Variants in EFR3A observed in about 807,000 individuals in gnomAD.
The protein encoded by EFR3A is EFR3 homolog A, also known as protein EFR3 homolog A.
EFR3A carries 76 observed loss-of-function variants against 104.4 expected under a neutral mutation model. The observed-to-expected ratio is 0.73, with a 90% CI of 0.60 to 0.88. EFR3A has a LOEUF of 0.88. EFR3A is among the 40% of genes least tolerant of loss of function. The probability of loss-of-function intolerance (pLI) is 0.00; values close to 1 mark genes in which losing one functional copy is unlikely to be tolerated. For synonymous variants in EFR3A, 330 were observed against 330.0 expected, an observed-to-expected ratio of 1.00 and a Z score of 0.00; for missense variants, 985 against 1,012.5, an observed-to-expected ratio of 0.97 and a Z score of 0.37.
chr8:132,010,510 C>G (rs1006378527), intron 22 of EFR3A, among the ~76,000 whole-genome samples: 2 of 145,050 alleles, frequency 1.4e-5, no homozygotes, highest in South Asian at 2.1e-4. Flanking sequence ...TAATTTTTTA[C>G]TAATGAAACA....
At position 131,965,606 on chromosome 8, in the gene EFR3A, G is replaced by C. The variant is rs574237158; in HGVS notation, c.856-2689G>C. On this transcript the variant is annotated intron_variant, in intron 8 of 22. Coordinates refer to ENST00000254624, the MANE Select transcript of EFR3A (RefSeq NM_015137.6). Reference sequence around the variant, plus strand: ...AGAGAAATAGGCACACTTTTACACTGTTGGTGGGACTGTAAACTAGTTCAA... The same window carrying C: ...AGAGAAATAGGCACACTTTTACACTCTTGGTGGGACTGTAAACTAGTTCAA... Among the ~76,000 whole-genome samples, 4 of 152,310 alleles carry C rather than the reference G, an allele frequency of 2.6e-5. No individual in the cohort carries two copies. The East Asian group carries it at 7.7e-4, about 29-fold the overall frequency.
chr8:131,922,470 A>G (rs1817089199), intron 1 of EFR3A, among the ~76,000 whole-genome samples: 1 of 152,158 alleles, frequency 6.6e-6, no homozygotes, highest in Non-Finnish European at 1.5e-5. Flanking sequence ...TAAATTAAAA[A>G]AAAATTAAAA....
chr8:131,933,768 G>A (rs1817736488), intron 1 of EFR3A, among the ~76,000 whole-genome samples: 1 of 150,634 alleles, frequency 6.6e-6, no homozygotes, highest in Admixed American at 6.6e-5. Context: ...CAGATATAAA[G>A]TATAAACCAG....
chr8:131,942,616 C>T (rs1358673025), intron 2 of EFR3A, among the ~76,000 whole-genome samples: 2 of 152,008 alleles, frequency 1.3e-5, no homozygotes, highest in African/African-American at 4.8e-5. Flanking sequence ...TTGTGCCTGG[C>T]ACATAGTTGG....
intron 10 of EFR3A, 137 bp downstream of exon 10, chr8:131,970,780 ACAAG>A (rs1820010066): frequency 3.7e-6 from 3 of 800,208 alleles, no homozygotes; most frequent in African/African-American, 1.7e-5. Flanking sequence ...ATTTTCGAAA[ACAAG>A]CAAGCATGAG....
chr8:131,913,412 G>T (rs1175176592), intron 1 of EFR3A, among the ~76,000 whole-genome samples: 1 of 150,628 alleles, frequency 6.6e-6, no homozygotes, highest in Non-Finnish European at 1.5e-5. Flanking sequence ...GACTTTAGGT[G>T]TTATTAGATA....
intron 18 of EFR3A, among the ~76,000 whole-genome samples, chr8:131,988,127 T>C (rs1230250562): frequency 6.6e-6 from 1 of 152,064 alleles, no homozygotes; most frequent in East Asian, 1.9e-4. Context: ...TAAATAAAAC[T>C]ACAAACTTTT....
chr8:131,959,357 T>C (rs1819188280), intron 7 of EFR3A, among the ~76,000 whole-genome samples: 1 of 152,176 alleles, frequency 6.6e-6, no homozygotes, highest in African/African-American at 2.4e-5. Flanking sequence ...TCAATAAATA[T>C]TTGTTGATTA....
At chr8:131,967,843 T>C (rs929914058) in intron 8 of EFR3A, among the ~76,000 whole-genome samples, 2 of 152,080 alleles carry the variant, frequency 1.3e-5, no homozygotes, top group Non-Finnish European at 2.9e-5. Context: ...TTAAATAGTA[T>C]TTATCTAGTT....
chr8:131,976,047 C>T lies in EFR3A; in HGVS notation c.1180C>T (p.Pro394Ser). ...CATAGGATTTTTTGGAAGTAACCTACCAGATTATCAGAGGTCAGAAATCAT... is the reference window on the plus strand; with the variant it reads ...CATAGGATTTTTTGGAAGTAACCTATCAGATTATCAGAGGTCAGAAATCAT... ...QTIGFFGSNLPDYQRSEIMMF... is the reference protein window; with the variant it reads ...QTIGFFGSNLSDYQRSEIMMF... Residue 394 changes from proline to serine, a missense_variant, in exon 11 of 23, where the codon CCA (proline) becomes TCA (serine). Transcript: ENST00000254624. 2 of 1,602,910 alleles carry T rather than the reference C, an allele frequency of 1.2e-6. No homozygotes were observed. Among genetic ancestry groups the T allele is most frequent in the Non-Finnish European group, 1.7e-6 (2 of 1,173,820 alleles).
At chr8:131,933,671 G>A (rs1817731576) in intron 1 of EFR3A, among the ~76,000 whole-genome samples, 1 of 151,872 alleles carries the variant, frequency 6.6e-6, no homozygotes, top group Admixed American at 6.6e-5. Flanking sequence ...AAATTGAAGT[G>A]TAAGTCTACA....
At position 131,953,928 on chromosome 8, in the gene EFR3A, C is replaced by A. The variant is rs1456932214; in HGVS notation, c.599C>A (p.Ser200Tyr). ...EPQHMDKIVPSLLFNMQKIEE... is the reference protein window; with the variant it reads ...EPQHMDKIVPYLLFNMQKIEE... ...CAGCATATGGATAAGATTGTTCCAT[C>A]CCTCCTGTTTAACATGCAAAAGATA... Residue 200 changes from serine to tyrosine, a missense_variant, in exon 6 of 23, where the codon TCC becomes TAC. Physicochemically the swap from Ser to Tyr is moderately radical, Grantham distance 144. Coordinates refer to ENST00000254624, the MANE Select transcript of EFR3A (RefSeq NM_015137.6). The A allele has an allele frequency of 6.4e-7, 1 of 1,567,024 alleles. No individual in the cohort carries two copies. The highest frequency in any genetic ancestry group is 1.9e-5 in the Admixed American group (1 of 53,228).
intron 1 of EFR3A, among the ~76,000 whole-genome samples, chr8:131,913,509 CTTAAA>C (rs1346791400): frequency 6.6e-6 from 1 of 151,176 alleles, no homozygotes; most frequent in Admixed American, 6.6e-5. Flanking sequence ...TTTCTGTATT[CTTAAA>C]TTAGGCATTA....
chr8:131,983,642 T>G (rs542088083), intron 14 of EFR3A, among the ~76,000 whole-genome samples: 1 of 152,196 alleles, frequency 6.6e-6, no homozygotes, highest in African/African-American at 2.4e-5. Flanking sequence ...CTTCAGGGAC[T>G]CCATGCCAAA....
At chr8:131,930,846 T>G (rs1817562702) in intron 1 of EFR3A, among the ~76,000 whole-genome samples, 1 of 152,150 alleles carries the variant, frequency 6.6e-6, no homozygotes, top group East Asian at 1.9e-4. Flanking sequence ...TGGTTCTTTA[T>G]AGTGCTATTT....
chr8:131,955,575 ATTTC>A (rs1392323165), intron 6 of EFR3A, among the ~76,000 whole-genome samples, 189 bp from the exon 7 acceptor site: 1 of 152,184 alleles, frequency 6.6e-6, no homozygotes, highest in Non-Finnish European at 1.5e-5. Context: ...AGCCAAGTTT[ATTTC>A]TTCAATTTGA....
chr8:131,983,108 G>A lies in EFR3A; in HGVS notation c.1576-1031G>A, dbSNP rs371006373. Among the ~76,000 whole-genome samples, 24 of 152,306 alleles carry A rather than the reference G, an allele frequency of 1.6e-4. 1 individual carries two copies. The East Asian group carries it at 1.9e-3, about 12-fold the overall frequency. On this transcript the variant is annotated intron_variant, in intron 14 of 22. Coordinates refer to ENST00000254624, the MANE Select transcript of EFR3A (RefSeq NM_015137.6). ...TGTTACAGACATACTGGCTTCAGAA[G>A]AGTCTGTGCTGTTCTCGCCCAGTTT...
intron 2 of EFR3A, among the ~76,000 whole-genome samples, chr8:131,944,058 ATAGTTTCCCT>A (rs1190186491): frequency 6.6e-6 from 1 of 152,214 alleles, no homozygotes; most frequent in East Asian, 1.9e-4. Context: ...ACTGTCTAAC[ATAGTTTCCCT>A]TTCTCCCTTC....
At chr8:132,007,966 A>G (rs1198416844) in intron 22 of EFR3A, among the ~76,000 whole-genome samples, 1 of 152,034 alleles carries the variant, frequency 6.6e-6, no homozygotes, top group Non-Finnish European at 1.5e-5. Context: ...TGGGTAATCA[A>G]TGTCTATGTA....
Sources: gnomAD v4.1 joint callset for allele counts (sites outside exome capture counted in the v4.1 genomes callset) on GRCh38, gnomAD v4.1.1 for gene constraint, MANE v1.5 for transcripts, NCBI Gene and HGNC (gene_info 2026-07-23, HGNC 2026-07-21) for gene names.